Variants in SLC39A6 observed in about 807,000 individuals in gnomAD.
SLC39A6 encodes the protein solute carrier family 39 member 6, also known as zinc transporter ZIP6.
Under a neutral mutation model 63.5 loss-of-function variants are expected in SLC39A6, and 51 were observed. That is an observed-to-expected ratio of 0.80 (90% CI 0.64 to 1.01). SLC39A6 has a LOEUF of 1.01. SLC39A6 is among the 50% of genes least tolerant of loss of function. The pLI is 0.00. For missense variants in SLC39A6, 805 were observed against 927.8 expected (o/e 0.87, Z 1.72); for synonymous variants, 318 against 324.7 (o/e 0.98, Z 0.22).
At chr18:36,112,244 A>T (rs1000101292) in intron 8 of SLC39A6, among the ~76,000 whole-genome samples, 1 of 152,196 alleles carries the variant, frequency 6.6e-6, no homozygotes, top group Admixed American at 6.5e-5. Context: ...TGAAAACACA[A>T]CTCATCCACT....
At position 36,117,705 on chromosome 18, in the gene SLC39A6, G is replaced by A. The variant is rs77395891; in HGVS notation, c.1360-926C>T. 4.3e-3 allele frequency among the ~76,000 whole-genome samples: 652 copies of A among 152,266 alleles called. 7 individuals are homozygous for A. The highest frequency in any genetic ancestry group is 0.015 in the African/African-American group (608 of 41,540). On this transcript the variant is annotated intron_variant, in intron 5 of 9. Transcript: ENST00000269187. ...CATTCAAGCTCTAATACCATATCAAGTGTCTATACATTCTTAGATTTTAAG... is the reference window on the plus strand; with the variant it reads ...CATTCAAGCTCTAATACCATATCAAATGTCTATACATTCTTAGATTTTAAG...
In SLC39A6 at chr18:36,122,277, G is replaced by A. The variant is rs2089401210; in HGVS notation, c.1141-7C>T. ...GGTGGTGACTTGCATGAGACTGAAG[G>A]CAAAATAATTTGTTATTTATAAATT... On this transcript the variant is annotated splice_region_variant and splice_polypyrimidine_tract_variant and intron_variant, in intron 4 of 9. Coordinates refer to ENST00000269187, the MANE Select transcript of SLC39A6 (RefSeq NM_012319.4). The A allele has an allele frequency of 6.3e-7, 1 of 1,589,586 alleles. No homozygotes were observed. Among genetic ancestry groups the A allele is most frequent in the Non-Finnish European group, 8.6e-7 (1 of 1,165,266 alleles).
At chr18:36,118,009 C>T (rs1253772047) in intron 5 of SLC39A6, among the ~76,000 whole-genome samples, 7 of 146,516 alleles carry the variant, frequency 4.8e-5, no homozygotes, top group Non-Finnish European at 7.4e-5. Flanking sequence ...CCAGCCGGGG[C>T]GACAGAGTGA....
In SLC39A6 at chr18:36,114,124, G is replaced by A; in HGVS notation, c.1816C>T (p.His606Tyr). 1 of 1,609,522 alleles carries A rather than the reference G, an allele frequency of 6.2e-7. No individual in the cohort carries two copies. Among genetic ancestry groups the A allele is most frequent in the Non-Finnish European group, 8.5e-7 (1 of 1,177,176 alleles). ...ATTGCTAGGCCATCGCTGAAATTGT[G>A]CAGGCCATCACCCATTATCACCATC... The part of the protein sequence containing the change: ...AWMVIMGDGL[H>Y]NFSDGLAIGA... Residue 606 changes from histidine (H) to tyrosine (Y), a missense_variant, in exon 7 of 10, where the codon CAC (histidine) becomes TAC (tyrosine). By Grantham distance (83) the His-to-Tyr change is moderately conservative. Coordinates refer to ENST00000269187, the MANE Select transcript of SLC39A6 (RefSeq NM_012319.4).
chr18:36,119,935 G>C (rs1210085143), intron 5 of SLC39A6, among the ~76,000 whole-genome samples: 1 of 151,858 alleles, frequency 6.6e-6, no homozygotes, highest in South Asian at 2.1e-4. Context: ...GCTGTATTTA[G>C]GTAAAATTTG....
intron 7 of SLC39A6, 127 bp downstream of exon 7, chr18:36,113,970 T>C: frequency 3.3e-6 from 4 of 1,228,932 alleles, no homozygotes; most frequent in Non-Finnish European, 4.3e-6. Flanking sequence ...AAAAGTAACA[T>C]TTTTATAATC....
At chr18:36,127,272 A>G (rs1406826659) in intron 1 of SLC39A6, among the ~76,000 whole-genome samples, 1 of 152,242 alleles carries the variant, frequency 6.6e-6, no homozygotes, top group Non-Finnish European at 1.5e-5. Context: ...TGTAAAAGCA[A>G]TAGTAATTCA....
rs1242938149 is a variant in SLC39A6, at chr18:36,122,208, T to C, written c.1203A>G (p.Gly401=). 7 of 1,614,006 alleles carry C rather than the reference T, an allele frequency of 4.3e-6. No homozygotes were observed. The highest frequency in any genetic ancestry group is 5.1e-6 in the Non-Finnish European group (6 of 1,179,898). ...HEEPAMEMKR[G]PLFSHLSSQN... is the part of the protein sequence containing the mutation. ...GAGAAGACAGATGACTGAAAAGTGG[T>C]CCTCTTTTCATTTCCATTGCTGGTT... is the stretch of plus-strand genomic sequence containing the variant. The change falls in exon 5 of 10, where the codon GGA becomes GGG. Residue 401 remains glycine (G), a synonymous_variant. Transcript: ENST00000269187.
At chr18:36,116,836 T>A (rs539344739) in intron 5 of SLC39A6, 57 bp from the exon 6 acceptor site, 162 of 1,241,328 alleles carry the variant, frequency 1.3e-4, no homozygotes, top group Middle Eastern at 1.2e-3. Context: ...TATGTACAGC[T>A]TTCAATCAAT....
At chr18:36,121,242 C>T (rs1473985889) in intron 5 of SLC39A6, among the ~76,000 whole-genome samples, 2 of 151,900 alleles carry the variant, frequency 1.3e-5, no homozygotes, top group East Asian at 1.9e-4. Context: ...CTGCAGCATC[C>T]GCCTCCCAAG....
chr18:36,109,770 A>C, intron 9 of SLC39A6, 25 bp from the exon 10 acceptor site: 1 of 1,585,570 alleles, frequency 6.3e-7, no homozygotes, highest in Non-Finnish European at 8.6e-7. Flanking sequence ...AAGGGAAAAT[A>C]AGAGTGACAT....
chr18:36,114,461 A>G lies in SLC39A6; in HGVS notation c.1479T>C (p.Tyr493=), dbSNP rs1426202960. 3.7e-6 allele frequency: 6 copies of G among 1,611,488 alleles called. No individual in the cohort carries two copies. Among genetic ancestry groups the G allele is most frequent in the Non-Finnish European group, 4.2e-6 (5 of 1,179,394 alleles). ...KVDTDDRTEG[Y]LRADSQEPSH... is the part of the protein sequence containing the mutation. ...AGGGCTCTTGTGAGTCTGCTCGTAA[A>G]TAGCCTTCAGTTCCTAGGAATAAAC... The change falls in exon 7 of 10, where the codon TAT becomes TAC. Residue 493 remains tyrosine (Y), a synonymous_variant. Coordinates refer to ENST00000269187, the MANE Select transcript of SLC39A6 (RefSeq NM_012319.4).
At chr18:36,128,228 G>A (rs2089463225) in intron 1 of SLC39A6, among the ~76,000 whole-genome samples, 1 of 152,190 alleles carries the variant, frequency 6.6e-6, no homozygotes, top group South Asian at 2.1e-4. Flanking sequence ...CACCAACGGT[G>A]GAGGTGATGG....
intron 5 of SLC39A6, among the ~76,000 whole-genome samples, chr18:36,117,911 G>C (rs527771189): frequency 2.0e-5 from 3 of 151,960 alleles, no homozygotes; most frequent in African/African-American, 7.2e-5. Flanking sequence ...GGTGCCTGTA[G>C]TCCCAGCTAC....
In SLC39A6 at chr18:36,126,371, GT is replaced by G. The variant is rs748538556; in HGVS notation, c.636del (p.Lys212AsnfsTer7). On this transcript the variant is annotated frameshift_variant, in exon 2 of 10. Transcript: ENST00000269187. LOFTEE classifies it high-confidence loss of function. ...LETIETPRPG[K>X]LFPKDVSSST... ...GAGCTGCTTACATCTTTGGGGAAGAGTTTTCCAGGTCTTGGAGTCTCTATTG... is the reference window on the plus strand; with the variant it reads ...GAGCTGCTTACATCTTTGGGGAAGAGTTTCCAGGTCTTGGAGTCTCTATTG... The G allele has an allele frequency of 6.2e-7, 1 of 1,614,256 alleles. No homozygotes were observed. The highest frequency in any genetic ancestry group is 2.2e-5 in the East Asian group (1 of 44,884).
chr18:36,110,990 A>T, intron 9 of SLC39A6, 69 bp downstream of exon 9: 1 of 1,578,188 alleles, frequency 6.3e-7, no homozygotes. Context: ...AAAAAAAATG[A>T]GGCTTTACCG....
chr18:36,113,087 C>T (rs2089313735), intron 7 of SLC39A6, among the ~76,000 whole-genome samples: 1 of 145,520 alleles, frequency 6.9e-6, no homozygotes, highest in Non-Finnish European at 1.5e-5. Flanking sequence ...TAAACCATGA[C>T]TGTGCATATA....
At chr18:36,124,726 C>T in intron 2 of SLC39A6, 26 bp from the exon 3 acceptor site, 1 of 1,493,290 alleles carries the variant, frequency 6.7e-7, no homozygotes, top group East Asian at 2.3e-5. Flanking sequence ...CAGTGAAAAT[C>T]ACCAAAAGCC....
In SLC39A6 at chr18:36,116,759, A is replaced by G. The variant is rs751985658; in HGVS notation, c.1380T>C (p.Asn460=). Residue 460 remains asparagine, a synonymous_variant, in exon 6 of 10, where the codon AAT becomes AAC. Coordinates refer to ENST00000269187, the MANE Select transcript of SLC39A6 (RefSeq NM_012319.4). The part of the protein sequence containing the change: ...KKKKNQKKPE[N]DDDVEIKKQL... ...GCTTCTTAATCTCCACATCATCATC[A>G]TTTTCAGGTTTCTTCTGATTCTAAA... 1.2e-5 allele frequency: 19 copies of G among 1,611,918 alleles called. No homozygotes were observed. The East Asian group carries it at 2.7e-4, about 23-fold the overall frequency.
Sources: gnomAD v4.1 joint callset for allele counts (sites outside exome capture counted in the v4.1 genomes callset) on GRCh38, gnomAD v4.1.1 for gene constraint, MANE v1.5 for transcripts, NCBI Gene and HGNC (gene_info 2026-07-23, HGNC 2026-07-21) for gene names.